The following POU2F2 variants were observed in gnomAD, a reference collection of about 807,000 sequenced individuals.
The protein encoded by POU2F2 is POU domain, class 2, transcription factor 2.
Under a neutral mutation model 63.5 loss-of-function variants are expected in POU2F2, and 14 were observed. That is an observed-to-expected ratio of 0.22 (90% CI 0.15 to 0.34). The LOEUF is 0.34. Among genes scored for constraint, POU2F2 ranks in the 10% least tolerant of loss-of-function variants. POU2F2 has a pLI of 1.00. For synonymous variants in POU2F2, 306 were observed against 348.6 expected (o/e 0.88, Z 1.36); for missense variants, 607 against 815.2 (o/e 0.74, Z 3.11).
At chr19:42,111,756 C>A (rs1423983467) in intron 5 of POU2F2, among the ~76,000 whole-genome samples, 1 of 152,202 alleles carries the variant, frequency 6.6e-6, no homozygotes, top group Non-Finnish European at 1.5e-5. Context: ...CATGTCCCAT[C>A]TGTATGCCTT....
intron 2 of POU2F2, among the ~76,000 whole-genome samples, chr19:42,150,746 T>C (rs1244155944): frequency 3.3e-5 from 5 of 151,916 alleles, no homozygotes; most frequent in Non-Finnish European, 5.9e-5. Context: ...CCTGCTCCTG[T>C]TTTTTTATTC....
intron 5 of POU2F2, among the ~76,000 whole-genome samples, chr19:42,101,036 T>C (rs1035520404): frequency 2.6e-5 from 4 of 151,936 alleles, no homozygotes; most frequent in African/African-American, 9.7e-5. Flanking sequence ...AGGCGGAGAT[T>C]GCAATGAGCT....
chr19:42,110,732 C>G (rs1171958828), intron 5 of POU2F2: 1 of 456,174 alleles, frequency 2.2e-6, no homozygotes, highest in South Asian at 1.5e-5. Flanking sequence ...TCAGGTGACA[C>G]CACAATAAGT....
At chr19:42,139,092 G>A (rs1015210437) in intron 2 of POU2F2, among the ~76,000 whole-genome samples, 3 of 152,104 alleles carry the variant, frequency 2.0e-5, no homozygotes, top group African/African-American at 4.8e-5. Context: ...CGACGAGGGC[G>A]GATCACCTGA....
intron 1 of POU2F2, among the ~76,000 whole-genome samples, chr19:42,190,754 G>A (rs2035067039): frequency 6.6e-6 from 1 of 152,096 alleles, no homozygotes; most frequent in South Asian, 2.1e-4. Flanking sequence ...ATGAGCCTAT[G>A]GATGAGATAA....
chr19:42,112,314 C>A (rs1291383119), intron 5 of POU2F2, among the ~76,000 whole-genome samples: 1 of 152,210 alleles, frequency 6.6e-6, no homozygotes, highest in East Asian at 1.9e-4. Context: ...GTAGGGCTGA[C>A]CTTGCCTTCT....
chr19:42,195,838 G>A (rs1190159087), intron 1 of POU2F2, among the ~76,000 whole-genome samples: 2 of 147,522 alleles, frequency 1.4e-5, no homozygotes, highest in Non-Finnish European at 1.5e-5. Flanking sequence ...GGACTTCAGT[G>A]GCGTGATTTC....
chr19:42,156,765 C>CA lies in POU2F2; in HGVS notation c.-9+3566_-9+3567insT, dbSNP rs1020199315. 1.3e-5 allele frequency: 2 copies of CA among 152,260 alleles called. No homozygotes were observed. Among genetic ancestry groups the CA allele is most frequent in the Non-Finnish European group, 2.9e-5 (2 of 68,088 alleles). 9.4% of individuals were successfully genotyped at this position (152,260 alleles called of 1,614,324 possible). A position where few individuals can be genotyped will look rare whatever the true frequency, so the allele number is the denominator to read the frequency against. On this transcript the variant is annotated intron_variant, in intron 2 of 6. Coordinates refer to the POU2F2 transcript ENST00000524801. The surrounding 1 kb of genome is among the most constrained non-coding windows in gnomAD (Gnocchi z 4.1). ...GCGCCTCCCATCCCAGGGCAGCCCC[C>CA]CCGCCATACCTACACTCTTGGCCAT...
At chr19:42,189,158 T>C (rs1454018563) in intron 1 of POU2F2, among the ~76,000 whole-genome samples, 1 of 152,180 alleles carries the variant, frequency 6.6e-6, no homozygotes, top group Non-Finnish European at 1.5e-5. Flanking sequence ...TAAGCAGGAA[T>C]GGATACCAAT....
chr19:42,132,485 G>T (rs1047637558), upstream of POU2F2: 63 of 1,358,896 alleles, frequency 4.6e-5, no homozygotes, highest in African/African-American at 8.3e-4. Context: ...AGCCCTCCCT[G>T]CCGGAAGTCA....
At chr19:42,097,146 T>C (rs2076949737) in intron 7 of POU2F2, among the ~76,000 whole-genome samples, 1 of 151,696 alleles carries the variant, frequency 6.6e-6, no homozygotes, top group South Asian at 2.1e-4. Context: ...AGGTCCTTTA[T>C]CCATTATTCT....
intron 1 of POU2F2, 40 bp downstream of exon 1, chr19:42,132,344 C>T (rs775887566): frequency 1.0e-5 from 16 of 1,585,870 alleles, no homozygotes; most frequent in Non-Finnish European, 1.4e-5. Flanking sequence ...AAATGTGCTG[C>T]CTGTCCTCTG....
intron 1 of POU2F2, among the ~76,000 whole-genome samples, chr19:42,194,794 A>C (rs1339978161): frequency 7.7e-6 from 1 of 130,356 alleles, no homozygotes; most frequent in Non-Finnish European, 1.6e-5. Flanking sequence ...AAAGACAGGA[A>C]GGGGAGGGAG....
At chr19:42,129,726 C>T (rs1346149230) in intron 1 of POU2F2, among the ~76,000 whole-genome samples, 1 of 152,208 alleles carries the variant, frequency 6.6e-6, no homozygotes, top group Non-Finnish European at 1.5e-5. Context: ...CCGTCCTCCC[C>T]AGAAGCAGCA....
chr19:42,108,721 A>G (rs1057349285), intron 5 of POU2F2, among the ~76,000 whole-genome samples: 1 of 152,208 alleles, frequency 6.6e-6, no homozygotes, highest in Non-Finnish European at 1.5e-5. Flanking sequence ...CTCTGAAGCC[A>G]CTTGAGGGCG....
intron 2 of POU2F2, among the ~76,000 whole-genome samples, chr19:42,160,170 G>A (rs2034527473): frequency 6.6e-6 from 1 of 152,066 alleles, no homozygotes; most frequent in African/African-American, 2.4e-5. Flanking sequence ...ATGCATGGAG[G>A]GTGAGAACAA....
intron 1 of POU2F2, among the ~76,000 whole-genome samples, chr19:42,191,099 G>A (rs2035070750): frequency 6.6e-6 from 1 of 151,612 alleles, no homozygotes; most frequent in African/African-American, 2.4e-5. Flanking sequence ...AAAGGCTAGG[G>A]TTGTAGGATT....
chr19:42,128,020 T>C (rs576545327), intron 1 of POU2F2, among the ~76,000 whole-genome samples: 47 of 152,218 alleles, frequency 3.1e-4, no homozygotes, highest in African/African-American at 1.0e-3. Context: ...CCAGCTCAAA[T>C]GTCACCTCCT....
Position 42,088,750 on chromosome 19 carries a change from G to C in POU2F2, c.*2507C>G, listed in dbSNP as rs1218020064. On this transcript the variant is annotated 3_prime_UTR_variant, in exon 15 of 15. Transcript: ENST00000692977. Reference sequence around the variant, plus strand: ...ATAAACATGGACAAACTCAGAGGTAGGGTAAGGGCAGGGAGTCGTTCAGCG... The same window carrying C: ...ATAAACATGGACAAACTCAGAGGTACGGTAAGGGCAGGGAGTCGTTCAGCG... The C allele has an allele frequency of 6.6e-6, 1 of 152,562 alleles. No homozygotes were observed. Among genetic ancestry groups the C allele is most frequent in the Non-Finnish European group, 1.5e-5 (1 of 68,038 alleles). The allele number at this position is 152,562 out of a possible 1,614,324, so 9.5% of individuals were successfully genotyped here. A position where few individuals can be genotyped will look rare whatever the true frequency, so the allele number is the denominator to read the frequency against.
Sources: allele counts gnomAD v4.1 joint callset (sites outside exome capture counted in the v4.1 genomes callset), GRCh38; gene constraint gnomAD v4.1.1; non-coding constraint Gnocchi (gnomAD v3.1); transcripts MANE v1.5; gene names NCBI Gene and HGNC (gene_info 2026-07-23, HGNC 2026-07-21).